UGT1A6: variants seen among roughly 807,000 people sequenced by gnomAD.
The protein encoded by UGT1A6 is UDP-glucuronosyltransferase 1A6.
UGT1A6 carries 32 observed loss-of-function variants against 44.4 expected under a neutral mutation model. That is an observed-to-expected ratio of 0.72 (90% CI 0.54 to 0.97). The LOEUF (loss-of-function observed/expected upper bound fraction) is 0.97. Ranked by LOEUF, UGT1A6 falls within the 50% of genes least tolerant of loss-of-function variation. The pLI, the probability that UGT1A6 is intolerant of heterozygous loss-of-function variation, is 0.00. For missense variants in UGT1A6, 685 were observed against 661.9 expected, an observed-to-expected ratio of 1.03 and a Z score of -0.38; for synonymous variants, 238 against 248.5, an observed-to-expected ratio of 0.96 and a Z score of 0.40.
chr2:233,755,827 T>C (rs1696034290), intron 1 of UGT1A6: 1 of 152,236 alleles, frequency 6.6e-6, no homozygotes, highest in Admixed American at 6.5e-5. Flanking sequence ...AAAAGACATA[T>C]TCATTGGGCA....
intron 1 of UGT1A6, among the ~76,000 whole-genome samples, chr2:233,741,313 C>T (rs1377772642): frequency 1.3e-5 from 2 of 151,788 alleles, no homozygotes; most frequent in African/African-American, 4.9e-5. Flanking sequence ...TACACACCAA[C>T]TCATTCTACT....
At chr2:233,692,444 G>A (rs1365940392), upstream of UGT1A6, 1 of 156,726 alleles carries the variant, frequency 6.4e-6, no homozygotes, top group Non-Finnish European at 1.4e-5. Flanking sequence ...GGGTAACCTG[G>A]GGACCTACTA....
At chr2:233,759,068 T>G (rs1168767781) in intron 1 of UGT1A6, among the ~76,000 whole-genome samples, 1 of 152,198 alleles carries the variant, frequency 6.6e-6, no homozygotes, top group African/African-American at 2.4e-5. Flanking sequence ...GAAAAGGAAT[T>G]TGGAAGAAAG....
rs2076727897 is a variant in UGT1A6, at chr2:233,719,116, G to C, written c.861+25251G>C. On this transcript the variant is annotated intron_variant, in intron 1 of 4. Coordinates refer to ENST00000305139, the MANE Select transcript of UGT1A6 (RefSeq NM_001072.4). Reference sequence around the variant, plus strand: ...CGCGTTACGCTGGGCTACACTCAAGGGTTCTTTGAAACAGAACATCTTCTG... The same window carrying C: ...CGCGTTACGCTGGGCTACACTCAAGCGTTCTTTGAAACAGAACATCTTCTG... 4 of 1,614,102 alleles carry C rather than the reference G, an allele frequency of 2.5e-6. No homozygotes were observed. In the African/African-American group the frequency reaches 5.3e-5, roughly 22 times the overall value.
rs762109713 is a variant in UGT1A6, at chr2:233,760,481, C to T, written c.862-6553C>T. On this transcript the variant is annotated intron_variant, in intron 1 of 4. Coordinates refer to ENST00000305139, the MANE Select transcript of UGT1A6 (RefSeq NM_001072.4). ...ATAGTTGTCCTAGCACCTGACGCCT[C>T]GTTGTACATCAGAGACGGAGCATTT... 4.0e-5 allele frequency: 65 copies of T among 1,614,070 alleles called. No individual in the cohort carries two copies. The highest frequency in any genetic ancestry group is 5.3e-5 in the African/African-American group (4 of 74,932).
intron 1 of UGT1A6, among the ~76,000 whole-genome samples, chr2:233,695,189 G>A (rs2075271649): frequency 2.0e-5 from 3 of 148,082 alleles, no homozygotes; most frequent in South Asian, 4.3e-4. Context: ...GCAGTGGTGC[G>A]ATCTCAGCCC....
chr2:233,754,059 A>G (rs973727066), intron 1 of UGT1A6, among the ~76,000 whole-genome samples: 4 of 152,238 alleles, frequency 2.6e-5, no homozygotes, highest in Admixed American at 1.3e-4. Context: ...ACCTGCTTTT[A>G]TAAAGCCTGG....
intron 1 of UGT1A6, among the ~76,000 whole-genome samples, chr2:233,694,315 T>C (rs74562873): frequency 6.6e-6 from 1 of 151,936 alleles, no homozygotes; most frequent in Non-Finnish European, 1.5e-5. Flanking sequence ...TTTTTTTTTT[T>C]CCTTTTATGT....
intron 1 of UGT1A6, among the ~76,000 whole-genome samples, chr2:233,724,760 G>A (rs1178180770): frequency 2.1e-5 from 3 of 143,370 alleles, no homozygotes; most frequent in East Asian, 2.2e-4. Flanking sequence ...GACGATGGGC[G>A]GCCAGGCAGA....
In UGT1A6 at chr2:233,740,798, C is replaced by T. The variant is rs557461962; in HGVS notation, c.862-26236C>T. On this transcript the variant is annotated intron_variant, in intron 1 of 4. Transcript: ENST00000305139. ...AAAAGATGAATACCCACATAACAGGCTCTAGCACTGTTCTGTTTTTGAGCT... is the reference window on the plus strand; with the variant it reads ...AAAAGATGAATACCCACATAACAGGTTCTAGCACTGTTCTGTTTTTGAGCT... The T allele has an allele frequency of 3.9e-5, 6 of 151,946 alleles. No individual in the cohort carries two copies. The East Asian group carries it at 1.2e-3, about 29-fold the overall frequency. The allele number at this position is 151,946 out of a possible 1,614,324, so 9.4% of individuals were successfully genotyped here.
chr2:233,753,656 A>G (rs554176629), intron 1 of UGT1A6: 2 of 152,198 alleles, frequency 1.3e-5, no homozygotes, highest in Non-Finnish European at 2.9e-5. Flanking sequence ...TACTTTCTCA[A>G]TTGTGTGTAT....
intron 1 of UGT1A6, among the ~76,000 whole-genome samples, chr2:233,701,187 C>G (rs973108286): frequency 6.6e-6 from 1 of 152,116 alleles, no homozygotes; most frequent in Admixed American, 6.5e-5. Context: ...CATACATGTG[C>G]ATGTGTCTTT....
At chr2:233,747,952 A>G in intron 1 of UGT1A6, 2 of 1,613,280 alleles carry the variant, frequency 1.2e-6, no homozygotes, top group Non-Finnish European at 1.7e-6. Flanking sequence ...TCAGTGGTGG[A>G]TCTTCTCAGC....
rs1048987218 is a variant in UGT1A6 at position 233,693,238 on chromosome 2, T to G, written c.234T>G (p.Tyr78Ter). ...KESKYYTRKI[Y>*]PVPYDQEELK... ...CCAAATACTACACAAGAAAAATCTA[T>G]CCAGTGCCGTATGACCAAGAAGAGC... Residue 78 changes from tyrosine (Y) to a stop codon, truncating the protein, a stop_gained, in exon 1 of 5, where the codon TAT (tyrosine) becomes TAG (stop). Coordinates refer to ENST00000305139, the MANE Select transcript of UGT1A6 (RefSeq NM_001072.4). LOFTEE classifies it high-confidence loss of function. The G allele has an allele frequency of 6.2e-7, 1 of 1,614,024 alleles. No homozygotes were observed. The highest frequency in any genetic ancestry group is 1.3e-5 in the African/African-American group (1 of 74,914).
At chr2:233,770,346 C>T (rs1357381259) in intron 4 of UGT1A6, 2 of 152,134 alleles carry the variant, frequency 1.3e-5, no homozygotes, top group African/African-American at 4.8e-5. Flanking sequence ...TGCTCAATTA[C>T]TATTGAATGA....
At chr2:233,694,638 TTTCCAG>T (rs1240951817) in intron 1 of UGT1A6, among the ~76,000 whole-genome samples, 1 of 152,224 alleles carries the variant, frequency 6.6e-6, no homozygotes, top group Admixed American at 6.5e-5. Flanking sequence ...TCAATTTTCT[TTTCCAG>T]TTCCTTTTTT....
At position 233,768,291 on chromosome 2, in the gene UGT1A6, G is replaced by A. The variant is rs143573365; in HGVS notation, c.1153G>A (p.Val385Ile). Residue 385 changes from valine to isoleucine, a missense_variant, in exon 4 of 5, where the codon GTT (valine) becomes ATT (isoleucine). Transcript: ENST00000305139. ...TGTTTATGAAAGCATATGCAATGGC[G>A]TTCCCATGGTGATGATGCCCTTGTT... ...HGVYESICNG[V>I]PMVMMPLFGD... 6.4e-5 allele frequency: 104 copies of A among 1,614,030 alleles called. No homozygotes were observed. Among genetic ancestry groups the A allele is most frequent in the Middle Eastern group, 1.6e-4 (1 of 6,084 alleles).
At chr2:233,767,195 T>C (rs1699333145) in intron 2 of UGT1A6, 30 bp downstream of exon 2, 10 of 1,613,760 alleles carry the variant, frequency 6.2e-6, no homozygotes, top group Non-Finnish European at 6.8e-6. Context: ...TGGCCTCATA[T>C]CTATTTTCAC....
chr2:233,710,462 G>A (rs1359524823), intron 1 of UGT1A6, among the ~76,000 whole-genome samples: 1 of 152,186 alleles, frequency 6.6e-6, no homozygotes, highest in Non-Finnish European at 1.5e-5. Flanking sequence ...CCATCCTAAT[G>A]GGTGTGTAGT....
Sources: allele counts gnomAD v4.1 joint callset (sites outside exome capture counted in the v4.1 genomes callset), GRCh38; gene constraint gnomAD v4.1.1; transcripts MANE v1.5; gene names NCBI Gene and HGNC (gene_info 2026-07-23, HGNC 2026-07-21).